The following TNRC6A variants were observed in gnomAD, a reference collection of about 807,000 sequenced individuals.
TNRC6A encodes trinucleotide repeat containing adaptor 6A, also known as trinucleotide repeat-containing gene 6A protein.
In TNRC6A, 44 loss-of-function variants were observed where a neutral mutation model predicts 221.2. The observed-to-expected ratio is 0.20, with a 90% CI of 0.16 to 0.26. The LOEUF is 0.26. Ranked by LOEUF, TNRC6A falls within the 10% of genes least tolerant of loss-of-function variation. The pLI is 1.00. For synonymous variants in TNRC6A, 847 were observed against 838.5 expected (o/e 1.01, Z -0.18); for missense variants, 2,199 against 2,404.4 (o/e 0.91, Z 1.79).
chr16:24,633,386 A>AT lies in TNRC6A; in HGVS notation n.277-7489dup, dbSNP rs1380203608. The stretch of plus-strand genomic sequence containing the variant: ...CAAAAATTATACTCATGGTGTATTT[A>AT]TTTTTTTTTCTTTTTCTTTTTTTCT... On this transcript the variant is annotated intron_variant and non_coding_transcript_variant, in intron 1 of 2. Coordinates refer to the TNRC6A transcript ENST00000566108. 1.1e-4 allele frequency among the ~76,000 whole-genome samples: 16 copies of AT among 151,010 alleles called. No homozygotes were observed. The East Asian group carries it at 1.7e-3, about 17-fold the overall frequency.
At chr16:24,687,884 C>CGAAGAAGAAGAAGAAGA (rs2055668379) in intron 2 of TNRC6A, among the ~76,000 whole-genome samples, 1 of 111,974 alleles carries the variant, frequency 8.9e-6, no homozygotes, top group Non-Finnish European at 1.7e-5. Flanking sequence ...GAAGAAGAAG[C>CGAAGAAGAAGAAGAAGA]AGCTTATTCC....
chr16:24,628,290 G>A (rs1053104106), intron 1 of TNRC6A, among the ~76,000 whole-genome samples: 1 of 151,722 alleles, frequency 6.6e-6, no homozygotes, highest in African/African-American at 2.4e-5. Flanking sequence ...TGTGGTGGTG[G>A]GCGCCTGTAA....
At chr16:24,821,621 A>G (rs1375260859) in intron 22 of TNRC6A, among the ~76,000 whole-genome samples, 2 of 152,158 alleles carry the variant, frequency 1.3e-5, no homozygotes. Context: ...GGAAGGCCAG[A>G]TGGGGAGCCC....
chr16:24,664,703 T>C (rs1203839236), intron 2 of TNRC6A: 1 of 140,788 alleles, frequency 7.1e-6, no homozygotes, highest in Non-Finnish European at 1.5e-5. Context: ...AATAATAAAA[T>C]AAAAAATAAA....
intron 4 of TNRC6A, among the ~76,000 whole-genome samples, chr16:24,768,601 C>T (rs1250804710): frequency 1.3e-5 from 2 of 152,000 alleles, no homozygotes; most frequent in South Asian, 2.1e-4. Context: ...TCCTATATAA[C>T]GACACATATA....
chr16:24,758,662 C>T (rs1368985928), intron 4 of TNRC6A, among the ~76,000 whole-genome samples: 3 of 152,158 alleles, frequency 2.0e-5, no homozygotes, highest in Admixed American at 2.0e-4. Flanking sequence ...ACCTTTCCTT[C>T]AGTCTTCCTT....
chr16:24,740,658 G>A (rs1013439118), intron 2 of TNRC6A, among the ~76,000 whole-genome samples: 4 of 152,022 alleles, frequency 2.6e-5, no homozygotes, highest in African/African-American at 7.2e-5. Flanking sequence ...TGTGAAACAC[G>A]TAAAATTTAC....
At chr16:24,652,685 A>G (rs1428330721) in intron 2 of TNRC6A, among the ~76,000 whole-genome samples, 1 of 152,186 alleles carries the variant, frequency 6.6e-6, no homozygotes. Flanking sequence ...ACTGGACCCA[A>G]ACAGCATATG....
At chr16:24,642,210 A>T (rs1359410269) in intron 2 of TNRC6A, among the ~76,000 whole-genome samples, 1 of 152,216 alleles carries the variant, frequency 6.6e-6, no homozygotes, top group Non-Finnish European at 1.5e-5. Context: ...GGAGGCTCAG[A>T]TCTGGAACAG....
At chr16:24,778,928 C>A (rs2057782425) in intron 5 of TNRC6A, among the ~76,000 whole-genome samples, 1 of 152,110 alleles carries the variant, frequency 6.6e-6, no homozygotes, top group African/African-American at 2.4e-5. Flanking sequence ...GATGGAGTAC[C>A]TGCTGTGAGC....
chr16:24,732,411 A>AT (rs1488375408), intron 2 of TNRC6A, among the ~76,000 whole-genome samples: 2 of 152,160 alleles, frequency 1.3e-5, no homozygotes, highest in African/African-American at 4.8e-5. Context: ...AGTTAAATTT[A>AT]TTGATTGCTT....
At chr16:24,712,334 G>T (rs183607690) in intron 2 of TNRC6A, among the ~76,000 whole-genome samples, 1 of 152,260 alleles carries the variant, frequency 6.6e-6, no homozygotes, top group Admixed American at 6.5e-5. Flanking sequence ...TATTTTGCTG[G>T]TTGGGGTGGG....
chr16:24,645,834 CAAAAAAAA>C (rs36106864), intron 2 of TNRC6A, among the ~76,000 whole-genome samples: 147 of 26,630 alleles, frequency 5.5e-3, no homozygotes, highest in African/African-American at 0.014. Flanking sequence ...CCTGTATCTA[CAAAAAAAA>C]AAAAAAAAAA....
intron 2 of TNRC6A, among the ~76,000 whole-genome samples, chr16:24,701,369 T>TC (rs1173635857): frequency 7.5e-6 from 1 of 133,948 alleles, no homozygotes; most frequent in Admixed American, 7.2e-5. Flanking sequence ...CTTTTTTTTC[T>TC]TTTTTTTTTT....
At chr16:24,784,247 C>G (rs1413414930) in intron 5 of TNRC6A, among the ~76,000 whole-genome samples, 4 of 152,168 alleles carry the variant, frequency 2.6e-5, no homozygotes, top group Non-Finnish European at 5.9e-5. Context: ...GTTGATCCTC[C>G]CGCCTCGGCC....
Position 24,654,119 on chromosome 16 carries a change from C to A in TNRC6A, n.402+13110C>A, listed in dbSNP as rs539853198. Among the ~76,000 whole-genome samples the A allele has an allele frequency of 2.0e-5, 3 of 152,244 alleles. No homozygotes were observed. The South Asian group carries it at 6.2e-4, about 32-fold the overall frequency. ...GGGTCTCAATATGTTACCCAGGCTG[C>A]CATGTGCACTCAAATTTGGTGCACT... On this transcript the variant is annotated intron_variant and non_coding_transcript_variant, in intron 2 of 2. Coordinates refer to the TNRC6A transcript ENST00000566108.
At chr16:24,815,064 T>C in intron 18 of TNRC6A, 83 bp from the exon 19 acceptor site, 1 of 1,480,552 alleles carries the variant, frequency 6.8e-7, no homozygotes, top group Non-Finnish European at 9.2e-7. Context: ...TAATAGAAAG[T>C]GTTCATGCTA....
intron 5 of TNRC6A, among the ~76,000 whole-genome samples, chr16:24,783,194 T>TCTCTGCTCACTGCAAC (rs2057890570): frequency 6.6e-6 from 1 of 152,090 alleles, no homozygotes; most frequent in East Asian, 1.9e-4. Context: ...AGTGGTGCGA[T>TCTCTGCTCACTGCAAC]CTCTGCTCAC....
Position 24,820,244 on chromosome 16 carries a change from C to G in TNRC6A, c.5186C>G (p.Ala1729Gly), listed in dbSNP as rs1160750864. 16 of 1,614,032 alleles carry G rather than the reference C, an allele frequency of 9.9e-6. No homozygotes were observed. Among genetic ancestry groups the G allele is most frequent in the African/African-American group, 1.3e-5 (1 of 74,906 alleles). ...KVPLPPKNIT[A>G]PSRPPPGLTG... ...CCTTTGCCACCTAAAAACATCACTG[C>G]TCCGTCCCGCCCACCTCCGGGACTG... The change falls in exon 22 of 25, where the codon GCT (alanine) becomes GGT (glycine). Residue 1729 changes from alanine (A) to glycine (G), a missense_variant. This residue lies in a region of TNRC6A where 449 missense variants were observed against 579.7 expected (regional missense o/e 0.77). Transcript: ENST00000395799.
Sources: gnomAD v4.1 joint callset for allele counts (sites outside exome capture counted in the v4.1 genomes callset) on GRCh38, gnomAD v4.1.1 for gene constraint, gnomAD v4.1.1 regional missense constraint, MANE v1.5 for transcripts, NCBI Gene and HGNC (gene_info 2026-07-23, HGNC 2026-07-21) for gene names.